COG8: variants seen among roughly 807,000 people sequenced by gnomAD.
COG8 encodes conserved oligomeric Golgi complex subunit 8.
A neutral mutation model predicts 46.5 loss-of-function variants in COG8; 45 were observed. The observed-to-expected ratio is 0.97, with a 90% CI of 0.76 to 1.24. The LOEUF (loss-of-function observed/expected upper bound fraction) is 1.24, where lower values mean the gene tolerates loss of function less well. Among genes scored for constraint, COG8 ranks in the 50% most tolerant of loss-of-function variants. The pLI, the probability that COG8 is intolerant of heterozygous loss-of-function variation, is 0.00. For synonymous variants in COG8, 407 were observed against 347.8 expected, an observed-to-expected ratio of 1.17 and a Z score of -1.90; for missense variants, 793 against 820.8, an observed-to-expected ratio of 0.97 and a Z score of 0.41.
Position 69,329,260 on chromosome 16 carries a change from C to A in COG8, c.*27-81G>T, listed in dbSNP as rs1020949819. 5.7e-6 allele frequency: 8 copies of A among 1,397,712 alleles called. No homozygotes were observed. The East Asian group carries it at 1.9e-4, about 34-fold the overall frequency. 86.6% of individuals were successfully genotyped at this position (1,397,712 alleles called of 1,614,324 possible). A position where few individuals can be genotyped will look rare whatever the true frequency, so the allele number is the denominator to read the frequency against. On this transcript the variant is annotated intron_variant, in intron 5 of 5. Transcript: ENST00000306875. ...AACCTCCCTACCCCTGCCCCCGGTCCTGGCTGTTCCCATTGACAAGAGGCA... is the reference window on the plus strand; with the variant it reads ...AACCTCCCTACCCCTGCCCCCGGTCATGGCTGTTCCCATTGACAAGAGGCA...
In COG8 at chr16:69,330,836, C is replaced by A. The variant is rs1471776095; in HGVS notation, c.*3G>T. 5.2e-6 allele frequency: 8 copies of A among 1,534,920 alleles called. No individual in the cohort carries two copies. In the South Asian group the frequency reaches 9.6e-5, roughly 18 times the overall value. ...ACCGCGTTCTGGAGGCAGGGGACGC[C>A]GGCTAGGGCCCCACGCTGGGCGGTT... On this transcript the variant is annotated 3_prime_UTR_variant, in exon 5 of 6. Coordinates refer to ENST00000306875, the MANE Select transcript of COG8 (RefSeq NM_032382.5).
In COG8 at chr16:69,330,166, G is replaced by T. The variant is rs770194037; in HGVS notation, c.*26+647C>A. 2.0e-6 allele frequency: 3 copies of T among 1,530,634 alleles called. No homozygotes were observed. In the South Asian group the frequency reaches 3.7e-5, roughly 19 times the overall value. 94.8% of individuals were successfully genotyped at this position (1,530,634 alleles called of 1,614,324 possible). On this transcript the variant is annotated intron_variant, in intron 5 of 5. Coordinates refer to ENST00000306875, the MANE Select transcript of COG8 (RefSeq NM_032382.5). The stretch of plus-strand genomic sequence containing the variant: ...GGCGGAGCGCGCGCTGGCGGGGCGG[G>T]CACTCCCGACACAGCGCCTCGGGGA...
At chr16:69,332,429 T>G (rs2011936083) in intron 4 of COG8, among the ~76,000 whole-genome samples, 1 of 152,360 alleles carries the variant, frequency 6.6e-6, no homozygotes, top group African/African-American at 2.4e-5. Flanking sequence ...CTTTTGTGAC[T>G]GGCTTCTTCC....
intron 4 of COG8, 52 bp downstream of exon 4, chr16:69,332,662 G>A: frequency 2.1e-6 from 3 of 1,443,928 alleles, no homozygotes; most frequent in Non-Finnish European, 2.0e-6. Context: ...GAATTATTTA[G>A]TATGTGAATT....
rs972812818 is a variant in COG8, at chr16:69,329,077, T to C, written c.*129A>G. The C allele has an allele frequency of 6.2e-7, 1 of 1,612,280 alleles. No individual in the cohort carries two copies. ...TGTGAACGTCCTGCTGTCCATTTTG[T>C]CAATAAACAGGCAGCCCTGCAGGTG... On this transcript the variant is annotated 3_prime_UTR_variant, in exon 6 of 6. Transcript: ENST00000306875.
In COG8 at chr16:69,339,426, G is replaced by A. The variant is rs1408946783; in HGVS notation, c.127C>T (p.Arg43Trp). 1 of 1,584,670 alleles carries A rather than the reference G, an allele frequency of 6.3e-7. No homozygotes were observed. Among genetic ancestry groups the A allele is most frequent in the South Asian group, 1.1e-5 (1 of 89,116 alleles). ...CGGAGGTAGCGGCCCACATCGGGCC[G>A]CTCGCGCCACTGGGCCTCGGGGAAG... is the stretch of plus-strand genomic sequence containing the variant. ...DRFPEAQWRE[R>W]PDVGRYLREL... Residue 43 changes from arginine (R) to tryptophan (W), a missense_variant, in exon 1 of 6, where the codon CGG becomes TGG. By Grantham distance (101) the Arg-to-Trp change is moderately radical (BLOSUM62 -3). Coordinates refer to ENST00000306875, the MANE Select transcript of COG8 (RefSeq NM_032382.5).
At chr16:69,329,574 T>C (rs377210182) in intron 5 of COG8, among the ~76,000 whole-genome samples, 1 of 152,140 alleles carries the variant, frequency 6.6e-6, no homozygotes, top group African/African-American at 2.4e-5. Flanking sequence ...GCAGGAACAA[T>C]CACCCCGACC....
chr16:69,332,450 A>C lies in COG8; in HGVS notation c.1582+264T>G. 6.6e-6 allele frequency: 4 copies of C among 604,364 alleles called. No homozygotes were observed. The South Asian group carries it at 8.0e-5, about 12-fold the overall frequency. The allele number at this position is 604,364 out of a possible 1,614,324, so 37.4% of individuals were successfully genotyped here. On this transcript the variant is annotated intron_variant, in intron 4 of 5. Coordinates refer to ENST00000306875, the MANE Select transcript of COG8 (RefSeq NM_032382.5). ...TGACTGGCTTCTTCCGCTTAGCCAGATACAGCCACATAATGTATGATTCCA... is the reference window on the plus strand; with the variant it reads ...TGACTGGCTTCTTCCGCTTAGCCAGCTACAGCCACATAATGTATGATTCCA...
intron 3 of COG8, among the ~76,000 whole-genome samples, chr16:69,333,166 G>GTTTTTTT (rs554776759): frequency 7.6e-6 from 1 of 130,870 alleles, no homozygotes; most frequent in Non-Finnish European, 1.7e-5. Flanking sequence ...CATGGTTTTG[G>GTTTTTTT]TTTTTTTTTT....
Position 69,330,900 on chromosome 16 carries a change from G to A in COG8, c.1778C>T (p.Pro593Leu), listed in dbSNP as rs771769922. ...CGCTCGCCCTCCCTCCGGGCAGGCTGGGCCCGCGGGCTCCAGGCGTGGCTC... is the reference window on the plus strand; with the variant it reads ...CGCTCGCCCTCCCTCCGGGCAGGCTAGGCCCGCGGGCTCCAGGCGTGGCTC... Reference protein sequence around the residue: ...AEEPRLEPAGPACPEGGRAET... With the variant: ...AEEPRLEPAGLACPEGGRAET... Residue 593 changes from proline to leucine, a missense_variant, in exon 5 of 6, where the codon CCA becomes CTA. Pro to Leu is a moderately conservative substitution (Grantham distance 98). Transcript: ENST00000306875. 6.4e-7 allele frequency: 1 copy of A among 1,551,876 alleles called. No individual in the cohort carries two copies. Among genetic ancestry groups the A allele is most frequent in the East Asian group, 2.4e-5 (1 of 41,182 alleles).
Position 69,332,737 on chromosome 16 carries a change from G to T in COG8, c.1559C>A (p.Pro520Gln), listed in dbSNP as rs187701280. Residue 520 changes from proline to glutamine, a missense_variant, in exon 4 of 6, where the codon CCA becomes CAA. Coordinates refer to ENST00000306875, the MANE Select transcript of COG8 (RefSeq NM_032382.5). ...LNRCLQVLFP[P>Q]AQIAQTLGIP... ...ACCTAAAGTCTGTGCTATCTGAGCTGGTGGAAAAAGGACTTGGAGACAGCG... is the reference window on the plus strand; with the variant it reads ...ACCTAAAGTCTGTGCTATCTGAGCTTGTGGAAAAAGGACTTGGAGACAGCG... The T allele has an allele frequency of 2.5e-6, 4 of 1,614,156 alleles. No homozygotes were observed. The East Asian group carries it at 6.7e-5, about 27-fold the overall frequency.
Position 69,326,721 on chromosome 16 carries a change from C to T in COG8, c.*2485G>A, listed in dbSNP as rs912402148. 1 of 152,202 alleles carries T rather than the reference C, an allele frequency of 6.6e-6. No homozygotes were observed. The highest frequency in any genetic ancestry group is 2.4e-5 in the African/African-American group (1 of 41,448). 9.4% of individuals were successfully genotyped at this position (152,202 alleles called of 1,614,324 possible). ...TCGATGTTAAACATGCTGACATGTG[C>T]AGAGGAGTTTCCTCCCTGAAATGCT... On this transcript the variant is annotated 3_prime_UTR_variant, in exon 6 of 6. Coordinates refer to ENST00000306875, the MANE Select transcript of COG8 (RefSeq NM_032382.5).
rs1258614160 is a variant in COG8, at chr16:69,328,163, G to C, written c.*1043C>G. ...GGGTTTCACCATCTTGGCCAGGCTG[G>C]TCTTGAGCTCCTGACCTCGTGATCC... On this transcript the variant is annotated 3_prime_UTR_variant, in exon 6 of 6. Transcript: ENST00000306875. The C allele has an allele frequency of 6.6e-6, 1 of 152,204 alleles. No individual in the cohort carries two copies. The highest frequency in any genetic ancestry group is 1.5e-5 in the Non-Finnish European group (1 of 68,072). 9.4% of individuals were successfully genotyped at this position (152,204 alleles called of 1,614,324 possible).
At chr16:69,337,050 G>A (rs1043465884) in intron 1 of COG8, among the ~76,000 whole-genome samples, 2 of 152,150 alleles carry the variant, frequency 1.3e-5, no homozygotes, top group Non-Finnish European at 2.9e-5. Context: ...TGTAATCCCA[G>A]CACTTTGGGA....
intron 5 of COG8, chr16:69,330,167 C>T: frequency 6.6e-7 from 1 of 1,522,978 alleles, no homozygotes; most frequent in Non-Finnish European, 8.8e-7. Context: ...GCGGGGCGGG[C>T]ACTCCCGACA....
In COG8 at chr16:69,334,832, C is replaced by A; in HGVS notation, c.1102G>T (p.Ala368Ser). Reference sequence around the variant, plus strand: ...ATGGCCACCCGCTGGAAAACAGGAGCCAACTGACCCCGGAAATCAGCTCCC... The same window carrying A: ...ATGGCCACCCGCTGGAAAACAGGAGACAACTGACCCCGGAAATCAGCTCCC... ...RVGADFRGQL[A>S]PVFQRVAIST... Residue 368 changes from alanine to serine, a missense_variant, in exon 3 of 6, where the codon GCT becomes TCT. Coordinates refer to ENST00000306875, the MANE Select transcript of COG8 (RefSeq NM_032382.5). 5 of 1,614,166 alleles carry A rather than the reference C, an allele frequency of 3.1e-6. No homozygotes were observed. The highest frequency in any genetic ancestry group is 4.2e-6 in the Non-Finnish European group (5 of 1,180,038).
At position 69,335,352 on chromosome 16, in the gene COG8, A is replaced by G. The variant is rs1408562076; in HGVS notation, c.586-4T>C. The stretch of plus-strand genomic sequence containing the variant: ...GGCGCACTTCGTTCACGATGCCCTG[A>G]CAATACACAGAGAGAGTCACACTGC... On this transcript the variant is annotated splice_region_variant and splice_polypyrimidine_tract_variant and intron_variant, in intron 2 of 5. Transcript: ENST00000306875. 2.5e-6 allele frequency: 4 copies of G among 1,586,678 alleles called. No individual in the cohort carries two copies. The highest frequency in any genetic ancestry group is 1.6e-4 in the Middle Eastern group (1 of 6,074).
At position 69,339,475 on chromosome 16, in the gene COG8, G is replaced by A. The variant is rs2012420083; in HGVS notation, c.78C>T (p.Leu26=). ...AALGEVEDEG[L]LASLFRDRFP... ...AGCGGTCCCGGAACAGCGACGCCAG[G>A]AGCCCTTCATCCTCCACCTCGCCGA... is the stretch of plus-strand genomic sequence containing the variant. Residue 26 remains leucine (L), a synonymous_variant, in exon 1 of 6, where the codon CTC becomes CTT. Transcript: ENST00000306875. 5 of 1,603,328 alleles carry A rather than the reference G, an allele frequency of 3.1e-6. No homozygotes were observed. Among genetic ancestry groups the A allele is most frequent in the East Asian group, 2.2e-5 (1 of 44,750 alleles).
intron 5 of COG8, chr16:69,330,448 G>T (rs983704231): frequency 3.6e-5 from 53 of 1,472,646 alleles, no homozygotes; most frequent in African/African-American, 8.8e-5. Flanking sequence ...GCAGCGCCGG[G>T]CCCTCGACGC....
Sources: allele counts gnomAD v4.1 joint callset (sites outside exome capture counted in the v4.1 genomes callset), GRCh38; gene constraint gnomAD v4.1.1; transcripts MANE v1.5; gene names NCBI Gene and HGNC (gene_info 2026-07-23, HGNC 2026-07-21).